Variants in SGIP1 observed in about 807,000 individuals in gnomAD.
The protein encoded by SGIP1 is SH3GL interacting endocytic adaptor 1, also known as SH3-containing GRB2-like protein 3-interacting protein 1.
SGIP1 carries 38 observed loss-of-function variants against 107.5 expected under a neutral mutation model. The observed-to-expected ratio is 0.35, with a 90% CI of 0.27 to 0.46. The LOEUF (loss-of-function observed/expected upper bound fraction) is 0.46, where lower values mean the gene tolerates loss of function less well. Among genes scored for constraint, SGIP1 ranks in the 20% least tolerant of loss-of-function variants. SGIP1 has a pLI of 1.00. For synonymous variants in SGIP1, 365 were observed against 366.1 expected (o/e 1.00, Z 0.03); for missense variants, 929 against 1,019.5 (o/e 0.91, Z 1.21).
intron 18 of SGIP1, among the ~76,000 whole-genome samples, chr1:66,714,803 C>G: frequency 6.6e-6 from 1 of 152,188 alleles, no homozygotes. Context: ...TCTCCAGAGT[C>G]GCTGTCTGTT....
rs190519164 is a variant in SGIP1, at chr1:66,555,698, C to A, written c.10+21330C>A. ...TTTGTTTTCATCCATTTAAGGAAGA[C>A]CAAAATCAATGAAACTATAAGAAGG... On this transcript the variant is annotated intron_variant, in intron 1 of 24. Transcript: ENST00000371037. 8.5e-5 allele frequency among the ~76,000 whole-genome samples: 13 copies of A among 152,160 alleles called. No individual in the cohort carries two copies. The East Asian group carries it at 2.5e-3, about 29-fold the overall frequency.
At chr1:66,684,517 A>G (rs1384837553) in intron 15 of SGIP1, among the ~76,000 whole-genome samples, 1 of 152,250 alleles carries the variant, frequency 6.6e-6, no homozygotes, top group Non-Finnish European at 1.5e-5. Context: ...CGTCCGTTAT[A>G]AAAGAGGGGT....
At chr1:66,726,802 C>T (rs1456646285) in intron 19 of SGIP1, among the ~76,000 whole-genome samples, 2 of 151,912 alleles carry the variant, frequency 1.3e-5, no homozygotes, top group Non-Finnish European at 2.9e-5. Flanking sequence ...TTTTTTTAAA[C>T]TTCTAGAAGA....
chr1:66,545,552 T>C (rs1314051665), intron 1 of SGIP1, among the ~76,000 whole-genome samples: 1 of 151,966 alleles, frequency 6.6e-6, no homozygotes, highest in Non-Finnish European at 1.5e-5. Flanking sequence ...AATTTAAACA[T>C]GTAAGTTTGA....
intron 7 of SGIP1, 105 bp downstream of exon 7, chr1:66,643,824 A>C: frequency 1.0e-6 from 1 of 1,002,938 alleles, no homozygotes; most frequent in Admixed American, 3.0e-5. Context: ...TGAAGCCTGC[A>C]TATGGTCACC....
intron 17 of SGIP1, chr1:66,695,075 A>G: frequency 2.4e-6 from 1 of 412,550 alleles, no homozygotes; most frequent in Middle Eastern, 6.3e-4. Flanking sequence ...GATGAAATGG[A>G]TACAGCAATT....
At chr1:66,681,667 A>T (rs1256303934) in intron 14 of SGIP1, among the ~76,000 whole-genome samples, 1 of 151,934 alleles carries the variant, frequency 6.6e-6, no homozygotes, top group African/African-American at 2.4e-5. Flanking sequence ...CAATAGCATA[A>T]AAATATGATG....
intron 1 of SGIP1, among the ~76,000 whole-genome samples, chr1:66,551,449 A>G (rs1253466023): frequency 2.6e-5 from 4 of 152,196 alleles, no homozygotes; most frequent in Non-Finnish European, 5.9e-5. Context: ...CTTCTGTTTA[A>G]TATGAAAAAT....
chr1:66,690,326 C>A lies in SGIP1; in HGVS notation c.1570+10C>A. 6.2e-7 allele frequency: 1 copy of A among 1,613,916 alleles called. No individual in the cohort carries two copies. The highest frequency in any genetic ancestry group is 8.5e-7 in the Non-Finnish European group (1 of 1,179,962). ...ACCACTCCCACAGTTGGTAAAAATTCTCTCCTCTCTTTTAATCCGTTTGTG... is the reference window on the plus strand; with the variant it reads ...ACCACTCCCACAGTTGGTAAAAATTATCTCCTCTCTTTTAATCCGTTTGTG... On this transcript the variant is annotated intron_variant, in intron 17 of 24. Coordinates refer to ENST00000371037, the MANE Select transcript of SGIP1 (RefSeq NM_032291.4).
At chr1:66,604,979 C>T (rs958825238) in intron 1 of SGIP1, among the ~76,000 whole-genome samples, 25 of 152,182 alleles carry the variant, frequency 1.6e-4, no homozygotes, top group Non-Finnish European at 1.3e-4. Flanking sequence ...TAAATAGTCA[C>T]CATGTTCTCT....
intron 3 of SGIP1, among the ~76,000 whole-genome samples, chr1:66,635,401 T>C (rs1441107654): frequency 6.6e-6 from 1 of 152,216 alleles, no homozygotes; most frequent in Non-Finnish European, 1.5e-5. Flanking sequence ...CCTCCACACA[T>C]AGACTTGGAA....
Position 66,684,311 on chromosome 1 carries a change from C to T in SGIP1, c.1315+1942C>T, listed in dbSNP as rs183083904. 2.9e-4 allele frequency: 396 copies of T among 1,358,266 alleles called. 2 individuals are homozygous for T. The African/African-American group carries it at 5.2e-3, about 18-fold the overall frequency. 84.1% of individuals were successfully genotyped at this position (1,358,266 alleles called of 1,614,324 possible). ...ACCCATCTACACTGCACAGTGTCATCGACAAGATCACCAAAAGTCTTCTCT... is the reference window on the plus strand; with the variant it reads ...ACCCATCTACACTGCACAGTGTCATTGACAAGATCACCAAAAGTCTTCTCT... On this transcript the variant is annotated intron_variant, in intron 15 of 24. Transcript: ENST00000371037.
At position 66,626,137 on chromosome 1, in the gene SGIP1, C is replaced by CTTTTTTTTTTT. The variant is rs35959436; in HGVS notation, c.74+239_74+249dup. ...GTTTTTATCACATTTTTCTTTCTTT[C>CTTTTTTTTTTT]TTTTTTTTTTTTTTTTTTTTTTGAT... On this transcript the variant is annotated intron_variant, in intron 2 of 24. Transcript: ENST00000371037. 2.7e-4 allele frequency: 33 copies of CTTTTTTTTTTT among 123,306 alleles called. 1 individual carries two copies. The highest frequency in any genetic ancestry group is 6.8e-4 in the African/African-American group (18 of 26,624). 7.6% of individuals were successfully genotyped at this position (123,306 alleles called of 1,614,324 possible).
intron 17 of SGIP1, 179 bp from the exon 18 acceptor site, chr1:66,695,255 T>TTAAAAAAAAAA (rs2090657644): frequency 1.3e-6 from 1 of 762,668 alleles, no homozygotes; most frequent in African/African-American, 2.7e-5. Flanking sequence ...TTTCCTGAAC[T>TTAAAAAAAAAA]AAAAAAAAAA....
At chr1:66,590,272 A>T (rs753146214) in intron 1 of SGIP1, among the ~76,000 whole-genome samples, 1 of 152,166 alleles carries the variant, frequency 6.6e-6, no homozygotes, top group Non-Finnish European at 1.5e-5. Context: ...AGATAAAAAC[A>T]CATGTTATTT....
At chr1:66,708,829 C>CAG (rs2092707250) in intron 18 of SGIP1, among the ~76,000 whole-genome samples, 1 of 152,038 alleles carries the variant, frequency 6.6e-6, no homozygotes, top group African/African-American at 2.4e-5. Context: ...GGCAAGTGAG[C>CAG]AGAGACTTAT....
chr1:66,637,969 T>G (rs908621058), intron 4 of SGIP1, among the ~76,000 whole-genome samples: 8 of 151,872 alleles, frequency 5.3e-5, no homozygotes, highest in Non-Finnish European at 1.2e-4. Context: ...GGAAGCAAAC[T>G]GTAGAACTTT....
intron 20 of SGIP1, among the ~76,000 whole-genome samples, chr1:66,731,995 G>A (rs913592299): frequency 6.6e-6 from 1 of 152,200 alleles, no homozygotes; most frequent in Non-Finnish European, 1.5e-5. Flanking sequence ...CCATCTCTGT[G>A]TAAGCATTTG....
intron 21 of SGIP1, among the ~76,000 whole-genome samples, chr1:66,735,279 G>A (rs1207925377): frequency 6.6e-6 from 1 of 151,898 alleles, no homozygotes; most frequent in African/African-American, 2.4e-5. Flanking sequence ...GCAGTGGCAC[G>A]ATCTCGGCTA....
Sources: gnomAD v4.1 joint callset for allele counts (sites outside exome capture counted in the v4.1 genomes callset) on GRCh38, gnomAD v4.1.1 for gene constraint, MANE v1.5 for transcripts, NCBI Gene and HGNC (gene_info 2026-07-23, HGNC 2026-07-21) for gene names.